Variants in SYNE1 observed in about 807,000 individuals in gnomAD.
SYNE1 encodes spectrin repeat containing nuclear envelope protein 1, also known as nesprin-1.
A neutral mutation model predicts 1,111.0 loss-of-function variants in SYNE1; 616 were observed. The ratio of observed to expected loss-of-function variants is 0.55; its 90% CI spans 0.52 to 0.59. SYNE1 has a LOEUF of 0.59. SYNE1 is among the 20% of genes least tolerant of loss of function. The pLI, the probability that SYNE1 is intolerant of heterozygous loss-of-function variation, is 0.00. For synonymous variants in SYNE1, 3,855 were observed against 3,825.8 expected (o/e 1.01, Z -0.28); for missense variants, 10,006 against 10,417.0 (o/e 0.96, Z 1.72).
chr6:152,309,300 T>A (rs980081852), intron 90 of SYNE1, among the ~76,000 whole-genome samples: 2 of 152,206 alleles, frequency 1.3e-5, no homozygotes, highest in South Asian at 4.1e-4. Context: ...ATTGATACAA[T>A]TTTTGGATAA....
chr6:152,195,478 TA>T (rs1276568329), intron 127 of SYNE1, among the ~76,000 whole-genome samples: 2 of 152,124 alleles, frequency 1.3e-5, no homozygotes, highest in South Asian at 2.1e-4. Context: ...AGTTGTGACC[TA>T]AGTTTTTAGT....
At chr6:152,409,859 T>A in intron 42 of SYNE1, 150 bp from the exon 43 acceptor site, 1 of 808,840 alleles carries the variant, frequency 1.2e-6, no homozygotes, top group African/African-American at 1.7e-5. Flanking sequence ...TGCTGCTGGT[T>A]AATCCTACTT....
chr6:152,573,865 A>G (rs2099484242), intron 3 of SYNE1, among the ~76,000 whole-genome samples: 1 of 152,188 alleles, frequency 6.6e-6, no homozygotes, highest in African/African-American at 2.4e-5. Context: ...TCTATGACTA[A>G]GAAACAAAAC....
At chr6:152,605,217 A>C (rs1196664630) in intron 3 of SYNE1, among the ~76,000 whole-genome samples, 3 of 152,194 alleles carry the variant, frequency 2.0e-5, no homozygotes, top group Admixed American at 2.0e-4. Flanking sequence ...ATCTCTGCTT[A>C]AAATACAGAA....
chr6:152,425,534 T>G lies in SYNE1; in HGVS notation c.5114A>C (p.Glu1705Ala), dbSNP rs1364041034. ...ELQLIQALQN[E>A]VVSQASFYSK... is the part of the protein sequence containing the mutation. ...ATAGAATGAGGCCTGGGATACAACT[T>G]CATTTTGCAGTGCCTGAAAAATACA... The change falls in exon 39 of 146, where the codon GAA becomes GCA. Residue 1705 changes from glutamate to alanine, a missense_variant. Transcript: ENST00000367255. 6.2e-7 allele frequency: 1 copy of G among 1,614,048 alleles called. No homozygotes were observed. The highest frequency in any genetic ancestry group is 8.5e-7 in the Non-Finnish European group (1 of 1,180,028).
At chr6:152,468,601 A>T (rs1201731380) in intron 16 of SYNE1, among the ~76,000 whole-genome samples, 1 of 152,158 alleles carries the variant, frequency 6.6e-6, no homozygotes, top group East Asian at 1.9e-4. Context: ...TCTGAGTTGG[A>T]TGTACATTCT....
chr6:152,249,122 T>A (rs752778481), intron 105 of SYNE1, 39 bp downstream of exon 105: 1 of 1,270,058 alleles, frequency 7.9e-7, no homozygotes, highest in African/African-American at 1.5e-5. Flanking sequence ...ATATCTCCTC[T>A]ATGCATTTTC....
chr6:152,274,480 AT>A (rs1033762496), intron 98 of SYNE1, among the ~76,000 whole-genome samples: 20 of 135,082 alleles, frequency 1.5e-4, no homozygotes, highest in African/African-American at 5.1e-4. Flanking sequence ...TGTGTTACTC[AT>A]TCCTCCCTGT....
chr6:152,157,688 G>A (rs1249030103), intron 131 of SYNE1, among the ~76,000 whole-genome samples: 1 of 151,778 alleles, frequency 6.6e-6, no homozygotes, highest in Non-Finnish European at 1.5e-5. Flanking sequence ...CCACAAAGAT[G>A]TAGAAAGACT....
At chr6:152,432,560 TC>T (rs1450077615) in intron 34 of SYNE1, among the ~76,000 whole-genome samples, 1 of 151,942 alleles carries the variant, frequency 6.6e-6, no homozygotes, top group Non-Finnish European at 1.5e-5. Context: ...AAACATGTAA[TC>T]TTTTTTTCTG....
intron 98 of SYNE1, among the ~76,000 whole-genome samples, chr6:152,271,012 T>A (rs1309533494): frequency 6.6e-6 from 1 of 152,190 alleles, no homozygotes; most frequent in East Asian, 1.9e-4. Flanking sequence ...AAGGATATTT[T>A]ACAGGTTGCT....
At chr6:152,182,519 C>T (rs1035520254) in intron 128 of SYNE1, among the ~76,000 whole-genome samples, 1 of 152,110 alleles carries the variant, frequency 6.6e-6, no homozygotes, top group East Asian at 1.9e-4. Context: ...TAACATTTTG[C>T]TATATTTTGT....
intron 3 of SYNE1, among the ~76,000 whole-genome samples, chr6:152,567,605 C>T (rs569156289): frequency 6.6e-6 from 1 of 152,246 alleles, no homozygotes; most frequent in African/African-American, 2.4e-5. Flanking sequence ...GCCATGATGT[C>T]TCCAGCCTGA....
At chr6:152,224,187 G>A (rs1003802353) in intron 117 of SYNE1, among the ~76,000 whole-genome samples, 1 of 152,156 alleles carries the variant, frequency 6.6e-6, no homozygotes, top group Non-Finnish European at 1.5e-5. Context: ...AAGACAAAAG[G>A]CAGTGACAAT....
In SYNE1 at chr6:152,139,552, C is replaced by T. The variant is rs146819562; in HGVS notation, c.25458+398G>A. Among the ~76,000 whole-genome samples, 490 of 118,510 alleles carry T rather than the reference C, an allele frequency of 4.1e-3. 4 individuals are homozygous for T. Among genetic ancestry groups the T allele is most frequent in the African/African-American group, 0.014 (426 of 29,676 alleles). The allele number at this position is 118,510 out of a possible 152,430, so 77.7% of individuals were successfully genotyped here. A position where few individuals can be genotyped will look rare whatever the true frequency, so the allele number is the denominator to read the frequency against. On this transcript the variant is annotated intron_variant, in intron 140 of 145. Coordinates refer to ENST00000367255, the MANE Select transcript of SYNE1 (RefSeq NM_182961.4). ...TGCCACTGCACTCCAGCCTGGGCAA[C>T]GGAGTGAGACTCCATCAAAAAAAAA...
intron 3 of SYNE1, among the ~76,000 whole-genome samples, chr6:152,605,049 G>A (rs560004070): frequency 2.2e-4 from 12 of 55,232 alleles, no homozygotes; most frequent in African/African-American, 3.6e-4. Flanking sequence ...AGGGAGGGAG[G>A]GAGGGAGGGA....
intron 129 of SYNE1, among the ~76,000 whole-genome samples, chr6:152,177,938 C>T (rs2763010): frequency 0.51 from 77,898 of 151,568 alleles, 23,045 homozygotes; most frequent in African/African-American, 0.82. Context: ...ATTAGCACTT[C>T]CCAGTTGACA....
chr6:152,173,875 A>G (rs1212364054), intron 130 of SYNE1, among the ~76,000 whole-genome samples: 2 of 152,266 alleles, frequency 1.3e-5, no homozygotes, highest in Non-Finnish European at 2.9e-5. Flanking sequence ...AATTGATTCA[A>G]GTTTATTAAT....
chr6:152,433,708 T>A lies in SYNE1; in HGVS notation c.4461+87A>T, dbSNP rs112804945. On this transcript the variant is annotated intron_variant, in intron 34 of 145. Coordinates refer to ENST00000367255, the MANE Select transcript of SYNE1 (RefSeq NM_182961.4). ...TCACATTGCAATGAAAGTCTTGTCC[T>A]GGGACCGAACAGCATTTGATGAAAT... The A allele has an allele frequency of 4.7e-3, 7,023 of 1,507,780 alleles. 305 individuals are homozygous for A. The African/African-American group carries it at 0.084, about 18-fold the overall frequency. The allele number at this position is 1,507,780 out of a possible 1,614,324, so 93.4% of individuals were successfully genotyped here. A position where few individuals can be genotyped will look rare whatever the true frequency, so the allele number is the denominator to read the frequency against.
Sources: gnomAD v4.1 joint callset for allele counts (sites outside exome capture counted in the v4.1 genomes callset) on GRCh38, gnomAD v4.1.1 for gene constraint, MANE v1.5 for transcripts, NCBI Gene and HGNC (gene_info 2026-07-23, HGNC 2026-07-21) for gene names.